HS3ST4: variants seen among roughly 807,000 people sequenced by gnomAD.
The protein encoded by HS3ST4 is heparan sulfate glucosamine 3-O-sulfotransferase 4.
In HS3ST4, 17 loss-of-function variants were observed where a neutral mutation model predicts 29.2. The observed-to-expected ratio is 0.58, with a 90% CI of 0.40 to 0.87. The LOEUF (loss-of-function observed/expected upper bound fraction) is 0.87. HS3ST4 is among the 40% of genes least tolerant of loss of function. The pLI is 0.00. For missense variants in HS3ST4, 627 were observed against 634.5 expected, an observed-to-expected ratio of 0.99 and a Z score of 0.13; for synonymous variants, 314 against 285.7, an observed-to-expected ratio of 1.10 and a Z score of -1.00.
At chr16:25,945,372 T>C (rs1045286579) in intron 1 of HS3ST4, among the ~76,000 whole-genome samples, 1 of 152,204 alleles carries the variant, frequency 6.6e-6, no homozygotes, top group Non-Finnish European at 1.5e-5. Flanking sequence ...CATAGATGAC[T>C]ACACCAGAGT....
chr16:25,732,263 TA>T, intron 1 of HS3ST4, among the ~76,000 whole-genome samples: 1 of 152,358 alleles, frequency 6.6e-6, no homozygotes, highest in Admixed American at 6.5e-5. Context: ...TAAGCATTAG[TA>T]AAAATTGACA....
chr16:25,900,462 T>G (rs1478108610), intron 1 of HS3ST4, among the ~76,000 whole-genome samples: 1 of 152,172 alleles, frequency 6.6e-6, no homozygotes, highest in Non-Finnish European at 1.5e-5. Context: ...TTATTTTTAT[T>G]TTTTGCTTTT....
chr16:25,946,896 G>A (rs1341726858), intron 1 of HS3ST4, among the ~76,000 whole-genome samples: 1 of 152,142 alleles, frequency 6.6e-6, no homozygotes, highest in East Asian at 1.9e-4. Context: ...CACACTCAAG[G>A]AACTGAAGGG....
At position 25,795,299 on chromosome 16, in the gene HS3ST4, C is replaced by CT. The variant is rs573213226; in HGVS notation, c.734+102157dup. Among the ~76,000 whole-genome samples, 1,259 of 151,180 alleles carry CT rather than the reference C, an allele frequency of 8.3e-3. 11 individuals are homozygous for CT. Among genetic ancestry groups the CT allele is most frequent in the African/African-American group, 0.023 (964 of 41,228 alleles). On this transcript the variant is annotated intron_variant, in intron 1 of 1. Transcript: ENST00000331351. ...CATCCCGCCTTTTCTTTTCTTTTCTCTTTTTTTTTACTTTTTATGCTTTAG... is the reference window on the plus strand; with the variant it reads ...CATCCCGCCTTTTCTTTTCTTTTCTCTTTTTTTTTTACTTTTTATGCTTTAG...
intron 1 of HS3ST4, among the ~76,000 whole-genome samples, chr16:25,730,236 A>AT (rs1017080062): frequency 2.2e-4 from 34 of 152,118 alleles, no homozygotes; most frequent in Admixed American, 2.0e-3. Context: ...TATAGGTGAC[A>AT]TTTTTTTCTT....
intron 1 of HS3ST4, among the ~76,000 whole-genome samples, chr16:25,833,714 G>A: frequency 6.6e-6 from 1 of 152,220 alleles, no homozygotes; most frequent in South Asian, 2.1e-4. Context: ...CGTGGACAGG[G>A]GAGACTCAGT....
At chr16:25,706,396 T>G (rs199847048) in intron 1 of HS3ST4, among the ~76,000 whole-genome samples, 1 of 152,156 alleles carries the variant, frequency 6.6e-6, no homozygotes, top group East Asian at 1.9e-4. Context: ...AATATATATA[T>G]TTTTTAATTT....
intron 1 of HS3ST4, among the ~76,000 whole-genome samples, chr16:25,738,372 C>G (rs1266991478): frequency 6.6e-6 from 1 of 152,232 alleles, no homozygotes; most frequent in Non-Finnish European, 1.5e-5. Flanking sequence ...GGCCTTCTCT[C>G]TCTTCTTTGA....
At chr16:26,129,605 TC>T (rs1385982593) in intron 1 of HS3ST4, among the ~76,000 whole-genome samples, 1 of 152,168 alleles carries the variant, frequency 6.6e-6, no homozygotes, top group African/African-American at 2.4e-5. Context: ...CCTCTCAAAC[TC>T]CCCATGAGAA....
intron 1 of HS3ST4, among the ~76,000 whole-genome samples, chr16:25,729,073 A>G (rs901132208): frequency 2.0e-5 from 3 of 151,836 alleles, no homozygotes; most frequent in African/African-American, 7.3e-5. Flanking sequence ...ACGGAACAAG[A>G]CCTTATCTTG....
intron 1 of HS3ST4, among the ~76,000 whole-genome samples, chr16:26,109,321 C>T (rs1394405149): frequency 6.6e-6 from 1 of 152,200 alleles, no homozygotes; most frequent in Non-Finnish European, 1.5e-5. Context: ...TCATTTATAT[C>T]TTCCACGCAC....
At chr16:25,749,144 A>G (rs1433368950) in intron 1 of HS3ST4, among the ~76,000 whole-genome samples, 1 of 152,222 alleles carries the variant, frequency 6.6e-6, no homozygotes, top group East Asian at 1.9e-4. Context: ...GATATACGCC[A>G]GGCATTCTTA....
intron 1 of HS3ST4, among the ~76,000 whole-genome samples, chr16:25,907,552 T>C (rs1342490936): frequency 6.6e-6 from 1 of 152,192 alleles, no homozygotes; most frequent in Non-Finnish European, 1.5e-5. Flanking sequence ...CCCAGAGACT[T>C]AGCCGCCTGC....
chr16:25,763,342 C>T (rs967283270), intron 1 of HS3ST4, among the ~76,000 whole-genome samples: 2 of 152,140 alleles, frequency 1.3e-5, no homozygotes, highest in African/African-American at 4.8e-5. Flanking sequence ...GAAATGCCAC[C>T]TGATGGCTGT....
At chr16:26,109,736 T>C (rs1899103202) in intron 1 of HS3ST4, among the ~76,000 whole-genome samples, 1 of 152,096 alleles carries the variant, frequency 6.6e-6, no homozygotes, top group Non-Finnish European at 1.5e-5. Flanking sequence ...TTTTTTCTGT[T>C]TTTAGACATT....
chr16:26,054,096 T>G (rs947895745), intron 1 of HS3ST4, among the ~76,000 whole-genome samples: 1 of 152,154 alleles, frequency 6.6e-6, no homozygotes, highest in Admixed American at 6.5e-5. Context: ...CATATGGCCG[T>G]GCCTGAGATT....
At chr16:25,710,566 C>T (rs1966408257) in intron 1 of HS3ST4, among the ~76,000 whole-genome samples, 1 of 152,002 alleles carries the variant, frequency 6.6e-6, no homozygotes, top group Non-Finnish European at 1.5e-5. Flanking sequence ...GATGGAGAAA[C>T]TAGGAGTAGA....
chr16:25,981,593 A>ATGTAATGGT (rs930356027), intron 1 of HS3ST4, among the ~76,000 whole-genome samples: 2 of 143,100 alleles, frequency 1.4e-5, no homozygotes, highest in Non-Finnish European at 3.0e-5. Context: ...CATACTGCTG[A>ATGTAATGGT]TGTAATGGTG....
chr16:26,047,179 C>A (rs1898281596), intron 1 of HS3ST4, among the ~76,000 whole-genome samples: 2 of 152,160 alleles, frequency 1.3e-5, no homozygotes, highest in Non-Finnish European at 2.9e-5. Context: ...GCCATGAGCA[C>A]CTCCTAACAG....
Sources: gnomAD v4.1 joint callset for allele counts (sites outside exome capture counted in the v4.1 genomes callset) on GRCh38, gnomAD v4.1.1 for gene constraint, MANE v1.5 for transcripts, NCBI Gene and HGNC (gene_info 2026-07-23, HGNC 2026-07-21) for gene names.